STAG1: variants seen among roughly 807,000 people sequenced by gnomAD.
The protein encoded by STAG1 is cohesin subunit SA-1.
STAG1 carries 26 observed loss-of-function variants against 170.9 expected under a neutral mutation model. The ratio of observed to expected loss-of-function variants is 0.15; its 90% CI spans 0.11 to 0.21. STAG1 has a LOEUF of 0.21. Ranked by LOEUF, STAG1 falls within the 10% of genes least tolerant of loss-of-function variation. The pLI is 1.00. For missense variants in STAG1, 964 were observed against 1,509.5 expected (o/e 0.64, Z 5.99); for synonymous variants, 514 against 497.7 (o/e 1.03, Z -0.44).
intron 1 of STAG1, among the ~76,000 whole-genome samples, chr3:136,670,002 A>G (rs907849250): frequency 3.9e-5 from 6 of 152,228 alleles, no homozygotes; most frequent in African/African-American, 1.2e-4. Context: ...GAAATTTTCA[A>G]TGACTCCAAT....
rs566094301 is a variant in STAG1 at position 136,470,004 on chromosome 3, C to A, written c.1205+2409G>T. 3.9e-3 allele frequency among the ~76,000 whole-genome samples: 589 copies of A among 152,086 alleles called. 5 individuals carry two copies. Among genetic ancestry groups the A allele is most frequent in the African/African-American group, 0.013 (552 of 41,544 alleles). ...TTAATTCAAGATGGATTAAAGACTT[C>A]AATGTTAGACCTAAAACCATAAAAA... is the stretch of plus-strand genomic sequence containing the variant. On this transcript the variant is annotated intron_variant, in intron 12 of 33. Coordinates refer to ENST00000383202, the MANE Select transcript of STAG1 (RefSeq NM_005862.3).
At chr3:136,752,102 C>T (rs1389007404) in intron 1 of STAG1, 93 bp downstream of exon 1, 1 of 153,620 alleles carries the variant, frequency 6.5e-6, no homozygotes, top group Non-Finnish European at 1.5e-5. Flanking sequence ...GCCCGGCCTC[C>T]ATCTTGGATC....
At position 136,539,877 on chromosome 3, in the gene STAG1, G is replaced by A. The variant is rs150700776; in HGVS notation, c.471+2242C>T. Among the ~76,000 whole-genome samples the A allele has an allele frequency of 6.4e-3, 981 of 152,194 alleles. 12 individuals carry two copies. Among genetic ancestry groups the A allele is most frequent in the African/African-American group, 0.022 (933 of 41,528 alleles). On this transcript the variant is annotated intron_variant, in intron 6 of 33. Transcript: ENST00000383202. ...CAACTTACTTTTAGATCACTTTACT[G>A]AAAATCTTAACAGCTTCAAACTAAC...
At chr3:136,579,985 T>G in intron 4 of STAG1, among the ~76,000 whole-genome samples, 1 of 144,884 alleles carries the variant, frequency 6.9e-6, no homozygotes, top group East Asian at 2.0e-4. Flanking sequence ...TTTTTTTTTT[T>G]TGAGACGGAG....
chr3:136,646,368 A>T (rs1249801884), intron 1 of STAG1, among the ~76,000 whole-genome samples: 4 of 152,152 alleles, frequency 2.6e-5, no homozygotes. Flanking sequence ...CAACTATTTC[A>T]AAGTTTTACT....
At chr3:136,416,052 G>A (rs2087762566) in intron 21 of STAG1, among the ~76,000 whole-genome samples, 1 of 151,434 alleles carries the variant, frequency 6.6e-6, no homozygotes, top group African/African-American at 2.4e-5. Context: ...TCATCGCCCA[G>A]GCTGGAGTGC....
intron 12 of STAG1, among the ~76,000 whole-genome samples, chr3:136,470,337 A>G (rs2089593282): frequency 6.6e-6 from 1 of 152,248 alleles, no homozygotes; most frequent in South Asian, 2.1e-4. Flanking sequence ...ATATGAACAG[A>G]CACTTCTGAA....
chr3:136,618,277 G>T (rs113455731), intron 3 of STAG1, among the ~76,000 whole-genome samples: 177 of 152,220 alleles, frequency 1.2e-3, no homozygotes, highest in African/African-American at 2.5e-3. Flanking sequence ...GTTTAGCCTG[G>T]GTGGTCTAAC....
At chr3:136,703,208 T>TA (rs1943131110) in intron 1 of STAG1, among the ~76,000 whole-genome samples, 1 of 152,012 alleles carries the variant, frequency 6.6e-6, no homozygotes, top group Non-Finnish European at 1.5e-5. Context: ...TCCAGAACTC[T>TA]AAAAGTCTAG....
intron 7 of STAG1, among the ~76,000 whole-genome samples, chr3:136,509,017 G>A (rs1175122121): frequency 6.6e-6 from 1 of 152,234 alleles, no homozygotes; most frequent in Non-Finnish European, 1.5e-5. Context: ...AAAATAATGA[G>A]TTATCTAATA....
chr3:136,720,824 T>C (rs542736809), intron 1 of STAG1, among the ~76,000 whole-genome samples: 2 of 152,026 alleles, frequency 1.3e-5, no homozygotes, highest in South Asian at 4.1e-4. Context: ...AAGAAATCTG[T>C]GGATGTACAA....
At chr3:136,452,601 G>GAA (rs905884856) in intron 13 of STAG1, among the ~76,000 whole-genome samples, 3 of 151,162 alleles carry the variant, frequency 2.0e-5, no homozygotes, top group African/African-American at 7.3e-5. Flanking sequence ...TATTTCAATA[G>GAA]AAATATGTAA....
At chr3:136,411,807 G>A (rs941705335) in intron 21 of STAG1, among the ~76,000 whole-genome samples, 1 of 152,020 alleles carries the variant, frequency 6.6e-6, no homozygotes, top group Non-Finnish European at 1.5e-5. Context: ...TTAGCCGGGC[G>A]TGGTGGTGGG....
chr3:136,446,031 T>C (rs1406385760), intron 14 of STAG1, among the ~76,000 whole-genome samples: 1 of 152,244 alleles, frequency 6.6e-6, no homozygotes, highest in Non-Finnish European at 1.5e-5. Context: ...TTTTATTTTC[T>C]GTGCTCTATT....
chr3:136,612,139 G>A lies in STAG1; in HGVS notation c.133-7666C>T, dbSNP rs562336128. ...TGGGATTACAGGCATGAGCCACTGC[G>A]CCTGGCCTATGTGTGGATTTTTTAT... is the stretch of plus-strand genomic sequence containing the variant. On this transcript the variant is annotated intron_variant, in intron 3 of 33. Coordinates refer to ENST00000383202, the MANE Select transcript of STAG1 (RefSeq NM_005862.3). 1.2e-4 allele frequency among the ~76,000 whole-genome samples: 19 copies of A among 152,252 alleles called. No homozygotes were observed. The South Asian group carries it at 2.9e-3, about 23-fold the overall frequency.
chr3:136,652,877 T>C (rs900090553), intron 1 of STAG1, among the ~76,000 whole-genome samples: 1 of 152,196 alleles, frequency 6.6e-6, no homozygotes, highest in Non-Finnish European at 1.5e-5. Context: ...CTGTTGATGC[T>C]ACTAGATGAA....
chr3:136,435,363 T>C (rs919623215), intron 15 of STAG1, among the ~76,000 whole-genome samples: 1 of 152,200 alleles, frequency 6.6e-6, no homozygotes, highest in Non-Finnish European at 1.5e-5. Context: ...TAGCTAGCAG[T>C]AGAGCATTCA....
chr3:136,453,851 T>C (rs1235726609), intron 13 of STAG1, among the ~76,000 whole-genome samples: 1 of 151,066 alleles, frequency 6.6e-6, no homozygotes, highest in East Asian at 2.0e-4. Flanking sequence ...CTGAATAAAA[T>C]GAGAATAATT....
intron 9 of STAG1, among the ~76,000 whole-genome samples, chr3:136,497,158 T>G (rs1307366491): frequency 1.3e-5 from 2 of 151,788 alleles, no homozygotes; most frequent in Non-Finnish European, 2.9e-5. Context: ...AACTCTTATC[T>G]GAAGAAGAAA....
Sources: allele counts gnomAD v4.1 joint callset (sites outside exome capture counted in the v4.1 genomes callset), GRCh38; gene constraint gnomAD v4.1.1; transcripts MANE v1.5; gene names NCBI Gene and HGNC (gene_info 2026-07-23, HGNC 2026-07-21).